Variants in TRPM8 observed in about 807,000 individuals in gnomAD.
The protein encoded by TRPM8 is TRPM8 cationic channel.
A neutral mutation model predicts 133.7 loss-of-function variants in TRPM8; 110 were observed. The ratio of observed to expected loss-of-function variants is 0.82; its 90% CI spans 0.70 to 0.96. The LOEUF (loss-of-function observed/expected upper bound fraction) is 0.96. TRPM8 is among the 40% of genes least tolerant of loss of function. TRPM8 has a pLI of 0.00. For missense variants in TRPM8, 1,291 were observed against 1,379.5 expected, an observed-to-expected ratio of 0.94 and a Z score of 1.02; for synonymous variants, 535 against 532.3, an observed-to-expected ratio of 1.01 and a Z score of -0.07.
At chr2:233,976,150 A>G (rs1292498790) in intron 17 of TRPM8, among the ~76,000 whole-genome samples, 2 of 152,172 alleles carry the variant, frequency 1.3e-5, no homozygotes, top group East Asian at 1.9e-4. Context: ...CTCTTCCCCT[A>G]TGGAGCATTC....
At chr2:233,965,849 CT>C (rs771856701) in intron 14 of TRPM8, 1,957 of 133,486 alleles carry the variant, frequency 0.015, 17 homozygotes, top group African/African-American at 0.031. Flanking sequence ...ATCAGTGTTT[CT>C]TTTTTTTTTT....
intron 20 of TRPM8, among the ~76,000 whole-genome samples, chr2:233,984,811 T>C (rs931367412): frequency 2.0e-5 from 3 of 152,150 alleles, no homozygotes; most frequent in Non-Finnish European, 4.4e-5. Context: ...AGGCCGGGGA[T>C]GGTGGCTTAT....
intron 6 of TRPM8, among the ~76,000 whole-genome samples, chr2:233,944,664 A>G (rs1046933377): frequency 4.6e-5 from 7 of 152,244 alleles, no homozygotes; most frequent in Admixed American, 2.6e-4. Flanking sequence ...ATGCAAATAA[A>G]AACATTACAT....
chr2:233,992,375 T>A (rs1220451529), intron 21 of TRPM8, among the ~76,000 whole-genome samples: 1 of 152,142 alleles, frequency 6.6e-6, no homozygotes, highest in Non-Finnish European at 1.5e-5. Flanking sequence ...AGTATTATGA[T>A]GCATTGTACA....
rs1436069126 is a variant in TRPM8 at position 233,939,273 on chromosome 2, G to A, written c.526+98G>A. On this transcript the variant is annotated intron_variant, in intron 5 of 25. Transcript: ENST00000324695. Reference sequence around the variant, plus strand: ...TCCCGTGTGCAATTCCGGAGAATCCGGGTGCTGCTAGAAGCATCTGATTAA... The same window carrying A: ...TCCCGTGTGCAATTCCGGAGAATCCAGGTGCTGCTAGAAGCATCTGATTAA... 3.7e-6 allele frequency: 5 copies of A among 1,348,754 alleles called. No individual in the cohort carries two copies. The African/African-American group carries it at 5.8e-5, about 16-fold the overall frequency. 83.5% of individuals were successfully genotyped at this position (1,348,754 alleles called of 1,614,324 possible).
intron 25 of TRPM8, among the ~76,000 whole-genome samples, chr2:234,015,288 T>C (rs1426478551): frequency 2.0e-5 from 3 of 152,094 alleles, no homozygotes; most frequent in Admixed American, 2.0e-4. Context: ...TGAAACCAAA[T>C]GTTAGGAATG....
intron 6 of TRPM8, among the ~76,000 whole-genome samples, chr2:233,945,185 C>T (rs1269599421): frequency 7.2e-5 from 11 of 152,270 alleles, no homozygotes; most frequent in East Asian, 3.9e-4. Flanking sequence ...TTTAATGCAA[C>T]GCTGATACTT....
intron 13 of TRPM8, among the ~76,000 whole-genome samples, chr2:233,963,671 A>T (rs1691495205): frequency 6.6e-6 from 1 of 152,174 alleles, no homozygotes; most frequent in Non-Finnish European, 1.5e-5. Context: ...TTAAAAATTA[A>T]TTTCCAGCTT....
chr2:234,002,156 C>G (rs532601217), intron 22 of TRPM8, among the ~76,000 whole-genome samples: 1 of 151,426 alleles, frequency 6.6e-6, no homozygotes, highest in African/African-American at 2.4e-5. Context: ...AAGCTGAGAC[C>G]CAGAAGATGA....
At chr2:233,937,138 C>T (rs755915578) in intron 3 of TRPM8, among the ~76,000 whole-genome samples, 13 of 152,142 alleles carry the variant, frequency 8.5e-5, no homozygotes, top group African/African-American at 2.7e-4. Flanking sequence ...TCAAGTTATC[C>T]GCCCACCTCA....
intron 9 of TRPM8, among the ~76,000 whole-genome samples, chr2:233,952,778 T>C (rs554707614): frequency 6.6e-6 from 1 of 152,160 alleles, no homozygotes; most frequent in Non-Finnish European, 1.5e-5. Context: ...GGGACTCCTG[T>C]GGCCGTCTCT....
At chr2:234,001,834 G>A (rs576682519) in intron 22 of TRPM8, among the ~76,000 whole-genome samples, 2 of 152,154 alleles carry the variant, frequency 1.3e-5, no homozygotes, top group Admixed American at 6.5e-5. Flanking sequence ...ATAATTTCGC[G>A]GAGAGCCTGC....
At chr2:233,940,280 A>G (rs1260059074) in intron 5 of TRPM8, among the ~76,000 whole-genome samples, 1 of 142,072 alleles carries the variant, frequency 7.0e-6, no homozygotes, top group East Asian at 2.1e-4. Context: ...TAATCTAGAC[A>G]TGGGTTTTTT....
At chr2:233,986,985 T>C (rs1373969821) in intron 21 of TRPM8, among the ~76,000 whole-genome samples, 1 of 152,164 alleles carries the variant, frequency 6.6e-6, no homozygotes, top group Admixed American at 6.5e-5. Context: ...TGCTGGGAAA[T>C]GGACATTGCT....
intron 15 of TRPM8, among the ~76,000 whole-genome samples, chr2:233,967,576 T>C (rs1184650792): frequency 1.3e-5 from 2 of 152,222 alleles, no homozygotes; most frequent in African/African-American, 4.8e-5. Flanking sequence ...AGCACTAGGA[T>C]TGGCTCTCAT....
chr2:233,938,925 T>TG lies in TRPM8; in HGVS notation c.349-70dup, dbSNP rs988848329. The TG allele has an allele frequency of 2.0e-5, 30 of 1,517,650 alleles. No individual in the cohort carries two copies. The East Asian group carries it at 3.5e-4, about 18-fold the overall frequency. 94.0% of individuals were successfully genotyped at this position (1,517,650 alleles called of 1,614,324 possible). A position where few individuals can be genotyped will look rare whatever the true frequency, so the allele number is the denominator to read the frequency against. ...AGCAGGCAAGCGTGGGCTTGGAAGTTGGGAGGGAATGCTAAACCCCGACCT... is the reference window on the plus strand; with the variant it reads ...AGCAGGCAAGCGTGGGCTTGGAAGTTGGGGAGGGAATGCTAAACCCCGACCT... On this transcript the variant is annotated intron_variant, in intron 4 of 25. Transcript: ENST00000324695.
chr2:233,934,431 G>T (rs930441168), intron 3 of TRPM8, among the ~76,000 whole-genome samples: 3 of 152,216 alleles, frequency 2.0e-5, no homozygotes, highest in African/African-American at 7.2e-5. Context: ...CCATCCTTGA[G>T]CCTGTCAATT....
At chr2:233,923,180 T>G (rs995886431) in intron 1 of TRPM8, among the ~76,000 whole-genome samples, 6 of 152,214 alleles carry the variant, frequency 3.9e-5, no homozygotes, top group African/African-American at 1.4e-4. Context: ...TTTTTATGTT[T>G]ATTCTTATAC....
At chr2:233,960,743 A>G in intron 11 of TRPM8, 33 bp from the exon 12 acceptor site, 1 of 1,578,438 alleles carries the variant, frequency 6.3e-7, no homozygotes. Flanking sequence ...TTTTTATAGT[A>G]TTGTTAGTAC....
Sources: allele counts gnomAD v4.1 joint callset (sites outside exome capture counted in the v4.1 genomes callset), GRCh38; gene constraint gnomAD v4.1.1; transcripts MANE v1.5; gene names NCBI Gene and HGNC (gene_info 2026-07-23, HGNC 2026-07-21).